WDR72: variants seen among roughly 807,000 people sequenced by gnomAD.
WDR72 encodes the protein WD repeat domain 72.
In WDR72, 120 loss-of-function variants were observed where a neutral mutation model predicts 124.2. The ratio of observed to expected loss-of-function variants is 0.97; its 90% CI spans 0.83 to 1.12. WDR72 has a LOEUF of 1.12. Among genes scored for constraint, WDR72 ranks in the 50% most tolerant of loss-of-function variants. The pLI is 0.00. For missense variants in WDR72, 1,387 were observed against 1,278.8 expected (o/e 1.08, Z -1.29); for synonymous variants, 452 against 441.7 (o/e 1.02, Z -0.29).
intron 1 of WDR72, among the ~76,000 whole-genome samples, chr15:53,749,918 G>T (rs2018734713): frequency 6.6e-6 from 1 of 152,140 alleles, no homozygotes; most frequent in Non-Finnish European, 1.5e-5. Flanking sequence ...AAGCTGCAGT[G>T]GAAAAGCTGG....
chr15:53,523,992 A>G (rs929575666), intron 18 of WDR72, among the ~76,000 whole-genome samples: 1 of 152,062 alleles, frequency 6.6e-6, no homozygotes, highest in Non-Finnish European at 1.5e-5. Context: ...CTATAAACCC[A>G]TGGTACCGAC....
At position 53,630,337 on chromosome 15, in the gene WDR72, C is replaced by T. The variant is rs191357537; in HGVS notation, c.1963-14094G>A. ...TATGTCCAAAAAAATAGAAGTGGTG[C>T]GAGAACACTTCCCAAATCTCTCTAA... On this transcript the variant is annotated intron_variant, in intron 14 of 19. Coordinates refer to ENST00000360509, the MANE Select transcript of WDR72 (RefSeq NM_182758.4). Among the ~76,000 whole-genome samples the T allele has an allele frequency of 1.4e-4, 22 of 152,148 alleles. No individual in the cohort carries two copies. The East Asian group carries it at 2.1e-3, about 15-fold the overall frequency.
Position 53,514,270 on chromosome 15 carries a change from T to A in WDR72, c.*3429A>T, listed in dbSNP as rs1891320800. On this transcript the variant is annotated 3_prime_UTR_variant, in exon 20 of 20. Transcript: ENST00000360509. ...GAATAAAGGAGTCTATAACACCGCT[T>A]TTATATAACTGAGCAATCAAAATGT... 6.6e-6 allele frequency: 1 copy of A among 152,170 alleles called. No homozygotes were observed. Among genetic ancestry groups the A allele is most frequent in the Admixed American group, 6.5e-5 (1 of 15,268 alleles). The allele number at this position is 152,170 out of a possible 1,614,324, so 9.4% of individuals were successfully genotyped here. A position where few individuals can be genotyped will look rare whatever the true frequency, so the allele number is the denominator to read the frequency against.
chr15:53,730,722 T>C (rs908621172), intron 2 of WDR72, among the ~76,000 whole-genome samples: 1 of 152,096 alleles, frequency 6.6e-6, no homozygotes. Context: ...TTTTTTACAG[T>C]CTCTTCTGTC....
chr15:53,570,520 A>C (rs1894481709), intron 18 of WDR72, among the ~76,000 whole-genome samples: 1 of 152,128 alleles, frequency 6.6e-6, no homozygotes, highest in African/African-American at 2.4e-5. Flanking sequence ...GATGCAAATC[A>C]AAGCCACAGT....
At chr15:53,651,279 G>A (rs966358690) in intron 14 of WDR72, among the ~76,000 whole-genome samples, 5 of 152,148 alleles carry the variant, frequency 3.3e-5, no homozygotes. Context: ...CTTCTCTGAT[G>A]TTCTCTGACC....
rs140838404 is a variant in WDR72, at chr15:53,732,962, T to C, written c.153+35A>G. 9 of 1,613,582 alleles carry C rather than the reference T, an allele frequency of 5.6e-6. No homozygotes were observed. In the African/African-American group the frequency reaches 8.0e-5, roughly 14 times the overall value. ...ATGCAAGTTGTCCGTATTTTGTGAG[T>C]GGTGTCTGTTTCAATATCAGTAGCT... is the stretch of plus-strand genomic sequence containing the variant. On this transcript the variant is annotated intron_variant, in intron 2 of 19. Coordinates refer to ENST00000360509, the MANE Select transcript of WDR72 (RefSeq NM_182758.4).
At chr15:53,726,202 GTA>G (rs1344363076) in intron 2 of WDR72, among the ~76,000 whole-genome samples, 1 of 139,434 alleles carries the variant, frequency 7.2e-6, no homozygotes, top group Non-Finnish European at 1.5e-5. Context: ...ATGTGTGTGT[GTA>G]TATATATATG....
chr15:53,680,911 G>C (rs1332152859), intron 13 of WDR72, among the ~76,000 whole-genome samples: 1 of 152,204 alleles, frequency 6.6e-6, no homozygotes, highest in Admixed American at 6.5e-5. Flanking sequence ...GCACTGACAA[G>C]GCTGAGATCA....
chr15:53,734,874 G>A (rs559160665), intron 1 of WDR72, among the ~76,000 whole-genome samples: 4 of 151,508 alleles, frequency 2.6e-5, no homozygotes, highest in African/African-American at 9.7e-5. Context: ...GGATTCTGGA[G>A]TTATGTATAA....
chr15:53,539,345 T>A (rs1449343247), intron 18 of WDR72, among the ~76,000 whole-genome samples: 1 of 152,110 alleles, frequency 6.6e-6, no homozygotes, highest in Non-Finnish European at 1.5e-5. Flanking sequence ...AAATGATGGT[T>A]ATAGAAATAT....
intron 2 of WDR72, among the ~76,000 whole-genome samples, chr15:53,727,953 T>C (rs2018090004): frequency 6.6e-6 from 1 of 152,232 alleles, no homozygotes; most frequent in Non-Finnish European, 1.5e-5. Context: ...AGCTCTACTT[T>C]TATGAAGCAT....
chr15:53,528,564 T>C (rs1595731565), intron 18 of WDR72, among the ~76,000 whole-genome samples: 1 of 152,210 alleles, frequency 6.6e-6, no homozygotes, highest in East Asian at 1.9e-4. Flanking sequence ...TTAAAGAGGA[T>C]CTATTTTTCA....
intron 10 of WDR72, 59 bp from the exon 11 acceptor site, chr15:53,705,292 A>C (rs1225626158): frequency 1.2e-4 from 190 of 1,541,412 alleles, no homozygotes; most frequent in Non-Finnish European, 1.7e-4. Flanking sequence ...ATAGACATGG[A>C]AAATATCAAG....
intron 4 of WDR72, 114 bp downstream of exon 4, chr15:53,716,493 T>C (rs2017711529): frequency 1.2e-6 from 1 of 811,864 alleles, no homozygotes; most frequent in Non-Finnish European, 2.1e-6. Context: ...CATGACAAAA[T>C]AAAAATTCAA....
intron 14 of WDR72, among the ~76,000 whole-genome samples, chr15:53,630,216 A>G (rs1056251766): frequency 2.0e-5 from 3 of 152,230 alleles, no homozygotes; most frequent in African/African-American, 7.2e-5. Flanking sequence ...ATTAGTAGTT[A>G]AACATCCTTC....
intron 14 of WDR72, among the ~76,000 whole-genome samples, chr15:53,660,478 A>T (rs897222388): frequency 1.3e-5 from 2 of 152,106 alleles, no homozygotes; most frequent in African/African-American, 4.8e-5. Context: ...TTGGTGGTCT[A>T]CCAATACACC....
At chr15:53,652,310 T>G (rs180937584) in intron 14 of WDR72, among the ~76,000 whole-genome samples, 79 of 152,264 alleles carry the variant, frequency 5.2e-4, no homozygotes, top group African/African-American at 1.9e-3. Context: ...GCTAATCCAG[T>G]ATGCCACCCT....
chr15:53,542,980 C>T (rs930721625), intron 18 of WDR72, among the ~76,000 whole-genome samples: 8 of 151,946 alleles, frequency 5.3e-5, no homozygotes, highest in South Asian at 2.1e-4. Flanking sequence ...ACAGGAGCAC[C>T]CAGATTCGTA....
Sources: allele counts gnomAD v4.1 joint callset (sites outside exome capture counted in the v4.1 genomes callset), GRCh38; gene constraint gnomAD v4.1.1; transcripts MANE v1.5; gene names NCBI Gene and HGNC (gene_info 2026-07-23, HGNC 2026-07-21).